OGDHL: variants seen among roughly 807,000 people sequenced by gnomAD.
OGDHL encodes 2-oxoglutarate dehydrogenase-like, mitochondrial.
A neutral mutation model predicts 109.6 loss-of-function variants in OGDHL; 79 were observed. The observed-to-expected ratio is 0.72, with a 90% CI of 0.60 to 0.87. The LOEUF (loss-of-function observed/expected upper bound fraction) is 0.87. OGDHL is among the 40% of genes least tolerant of loss of function. The probability of loss-of-function intolerance (pLI) is 0.00; values close to 1 mark genes in which losing one functional copy is unlikely to be tolerated. For synonymous variants in OGDHL, 528 were observed against 537.2 expected (o/e 0.98, Z 0.24); for missense variants, 1,275 against 1,362.2 (o/e 0.94, Z 1.01).
Position 49,757,391 on chromosome 10 carries a change from C to T in OGDHL, c.205-445G>A, listed in dbSNP as rs543942437. Among the ~76,000 whole-genome samples, 112 of 152,306 alleles carry T rather than the reference C, an allele frequency of 7.4e-4. 1 individual carries two copies. The highest frequency in any genetic ancestry group is 1.2e-3 in the Non-Finnish European group (85 of 68,020). ...AGAACAATGTAAAAGCGCTTTCCTC[C>T]GTGCACTCCCATACGGCACTGGTGG... On this transcript the variant is annotated intron_variant, in intron 2 of 22. Transcript: ENST00000374103.
chr10:49,745,505 G>A lies in OGDHL; in HGVS notation c.1477-9C>T. The A allele has an allele frequency of 6.2e-7, 1 of 1,613,512 alleles. No homozygotes were observed. On this transcript the variant is annotated splice_polypyrimidine_tract_variant and intron_variant, in intron 11 of 22. Coordinates refer to ENST00000374103, the MANE Select transcript of OGDHL (RefSeq NM_018245.3). The stretch of plus-strand genomic sequence containing the variant: ...CGCCGGCGGTAACAGACCTGCAGGA[G>A]CAGCCAGAGGGGCTCAGGCCCTTCC...
At chr10:49,746,251 G>C (rs781569806) in intron 10 of OGDHL, among the ~76,000 whole-genome samples, 31 of 152,208 alleles carry the variant, frequency 2.0e-4, no homozygotes, top group Non-Finnish European at 5.9e-5. Context: ...GGAAAATCCA[G>C]TCCTAACAAC....
chr10:49,737,891 G>GGCCCTGCCTGGCCAGGC, intron 19 of OGDHL, 33 bp from the exon 20 acceptor site: 1 of 1,614,150 alleles, frequency 6.2e-7, no homozygotes, highest in East Asian at 2.2e-5. Flanking sequence ...GCTGCCAGCT[G>GGCCCTGCCTGGCCAGGC]GCCCTGCCTG....
Position 49,750,985 on chromosome 10 carries a change from C to A in OGDHL, c.750G>T (p.Arg250Ser), listed in dbSNP as rs888935065. ...TLLARLVRSM[R>S]FEDFLARKWS... Reference sequence around the variant, plus strand: ...ATTTCCGGGCCAGGAAGTCTTCAAACCTGCTTGGGGAGAGGATGGGAAGAG... The same window carrying A: ...ATTTCCGGGCCAGGAAGTCTTCAAAACTGCTTGGGGAGAGGATGGGAAGAG... Residue 250 changes from arginine (R) to serine (S), a missense_variant and splice_region_variant, in exon 7 of 23, where the codon AGG becomes AGT. Coordinates refer to ENST00000374103, the MANE Select transcript of OGDHL (RefSeq NM_018245.3). 2 of 1,599,586 alleles carry A rather than the reference C, an allele frequency of 1.3e-6. No homozygotes were observed. The highest frequency in any genetic ancestry group is 1.7e-6 in the Non-Finnish European group (2 of 1,170,420).
At chr10:49,759,526 G>A (rs1843137898) in intron 1 of OGDHL, among the ~76,000 whole-genome samples, 1 of 168 alleles carries the variant, frequency 6.0e-3, no homozygotes, top group African/African-American at 0.021. Flanking sequence ...AGAGTTCTAA[G>A]AGCCCTCTGC....
upstream of OGDHL, chr10:49,762,336 G>C (rs1843357740): frequency 6.6e-6 from 1 of 152,126 alleles, no homozygotes; most frequent in Non-Finnish European, 1.5e-5. Context: ...CAATTACCTG[G>C]GTCACGTGAC....
intron 15 of OGDHL, among the ~76,000 whole-genome samples, chr10:49,742,410 C>CACCACACAAA (rs1375632750): frequency 7.0e-6 from 1 of 142,114 alleles, no homozygotes; most frequent in Admixed American, 7.1e-5. Flanking sequence ...ACCACACACA[C>CACCACACAAA]CATACACACA....
intron 22 of OGDHL, 84 bp downstream of exon 22, chr10:49,735,939 G>A: frequency 7.0e-7 from 1 of 1,432,746 alleles, no homozygotes. Context: ...GGCCAGTTCT[G>A]GGTAGCATGG....
intron 2 of OGDHL, 57 bp downstream of exon 2, chr10:49,758,332 C>T (rs377538339): frequency 1.3e-5 from 20 of 1,532,716 alleles, no homozygotes; most frequent in East Asian, 6.8e-5. Flanking sequence ...TGCCACAGCC[C>T]GGCCCCCGAG....
intron 7 of OGDHL, 53 bp from the exon 8 acceptor site, chr10:49,749,869 T>C: frequency 3.4e-6 from 5 of 1,490,574 alleles, no homozygotes; most frequent in Non-Finnish European, 4.5e-6. Flanking sequence ...GGCCTCAGGG[T>C]TCCCTCCCCC....
intron 1 of OGDHL, among the ~76,000 whole-genome samples, chr10:49,761,222 G>GT (rs1843252574): frequency 6.6e-6 from 1 of 152,180 alleles, no homozygotes; most frequent in African/African-American, 2.4e-5. Flanking sequence ...GTTGCCCTGG[G>GT]TATCTCTTGG....
At chr10:49,739,143 C>T (rs923721384) in intron 17 of OGDHL, 2 of 153,180 alleles carry the variant, frequency 1.3e-5, no homozygotes, top group African/African-American at 2.4e-5. Context: ...CACCCTGCTC[C>T]TTCCTCCCTT....
rs149834014 is a variant in OGDHL at position 49,741,387 on chromosome 10, C to T, written c.2013-550G>A. 3.7e-3 allele frequency among the ~76,000 whole-genome samples: 567 copies of T among 152,186 alleles called. 1 individual carries two copies. The highest frequency in any genetic ancestry group is 7.3e-3 in the Admixed American group (112 of 15,290). ...GGTAGCTCTGGGTGCATCAGAGGGC[C>T]ACCTGGGCCCTGGCTGGAGCAAGAC... On this transcript the variant is annotated intron_variant, in intron 15 of 22. Coordinates refer to ENST00000374103, the MANE Select transcript of OGDHL (RefSeq NM_018245.3).
intron 3 of OGDHL, among the ~76,000 whole-genome samples, chr10:49,755,056 CA>C (rs1842838059): frequency 6.6e-6 from 1 of 152,086 alleles, no homozygotes; most frequent in Admixed American, 6.5e-5. Flanking sequence ...CCAGCCTGGC[CA>C]ACATGGTGAA....
At chr10:49,741,116 G>A (rs927727747) in intron 15 of OGDHL, among the ~76,000 whole-genome samples, 2 of 152,104 alleles carry the variant, frequency 1.3e-5, no homozygotes, top group African/African-American at 2.4e-5. Flanking sequence ...GGAGCTGTGA[G>A]TTGTGGCACC....
intron 7 of OGDHL, among the ~76,000 whole-genome samples, chr10:49,750,593 G>A (rs1842517930): frequency 6.6e-6 from 1 of 152,190 alleles, no homozygotes; most frequent in African/African-American, 2.4e-5. Flanking sequence ...AGGGACAGAG[G>A]CAACATGGCC....
Position 49,735,233 on chromosome 10 carries a change from A to G in OGDHL, c.3028T>C (p.Phe1010Leu). Residue 1010 changes from phenylalanine to leucine, a missense_variant, in exon 23 of 23, where the codon TTT becomes CTT. Phe to Leu is a conservative substitution (Grantham distance 22). Transcript: ENST00000374103. The part of the protein sequence containing the change: ...FNLQAFEGKT[F>L] ...TACACAGGTTTTGCCCAGCTCTAAAATGTCTTGCCCTCAAAGGCCTGGAGA... is the reference window on the plus strand; with the variant it reads ...TACACAGGTTTTGCCCAGCTCTAAAGTGTCTTGCCCTCAAAGGCCTGGAGA... The G allele has an allele frequency of 6.2e-7, 1 of 1,613,524 alleles. No homozygotes were observed. Among genetic ancestry groups the G allele is most frequent in the South Asian group, 1.1e-5 (1 of 90,948 alleles).
Position 49,752,709 on chromosome 10 carries a change from G to A in OGDHL, c.407C>T (p.Pro136Leu). 1 of 1,614,124 alleles carries A rather than the reference G, an allele frequency of 6.2e-7. No homozygotes were observed. Among genetic ancestry groups the A allele is most frequent in the Non-Finnish European group, 8.5e-7 (1 of 1,179,978 alleles). ...CAGGTCTGCATCCAGAATGCCCAGG[G>A]GGTCCAGCTGGGCCACATGGTGACC... ...IRGHHVAQLDPLGILDADLDS... is the reference protein window; with the variant it reads ...IRGHHVAQLDLLGILDADLDS... Residue 136 changes from proline to leucine, a missense_variant, in exon 4 of 23, where the codon CCC becomes CTC. Pro to Leu is a moderately conservative substitution (Grantham distance 98). Transcript: ENST00000374103.
At chr10:49,743,075 C>T (rs551000111) in intron 14 of OGDHL, 97 bp from the exon 15 acceptor site, 3 of 1,443,986 alleles carry the variant, frequency 2.1e-6, no homozygotes, top group Admixed American at 2.2e-5. Context: ...AGCAGGGCAG[C>T]CATCTGTTGA....
Sources: gnomAD v4.1 joint callset for allele counts (sites outside exome capture counted in the v4.1 genomes callset) on GRCh38, gnomAD v4.1.1 for gene constraint, MANE v1.5 for transcripts, NCBI Gene and HGNC (gene_info 2026-07-23, HGNC 2026-07-21) for gene names.